Variants in KLHL1 observed in about 807,000 individuals in gnomAD.
KLHL1 encodes kelch like family member 1.
Under a neutral mutation model 77.7 loss-of-function variants are expected in KLHL1, and 47 were observed. That is an observed-to-expected ratio of 0.60 (90% CI 0.48 to 0.77). The LOEUF is 0.77. Ranked by LOEUF, KLHL1 falls within the 30% of genes least tolerant of loss-of-function variation. KLHL1 has a pLI of 0.00. For missense variants in KLHL1, 925 were observed against 910.8 expected (o/e 1.02, Z -0.20); for synonymous variants, 360 against 325.2 (o/e 1.11, Z -1.15).
chr13:69,929,049 C>A (rs1309186635), intron 4 of KLHL1, among the ~76,000 whole-genome samples: 2 of 151,968 alleles, frequency 1.3e-5, no homozygotes, highest in Non-Finnish European at 2.9e-5. Context: ...TACTTAATGA[C>A]AAGACGGCAC....
At chr13:69,877,418 A>G (rs1355600289) in intron 5 of KLHL1, among the ~76,000 whole-genome samples, 1 of 152,062 alleles carries the variant, frequency 6.6e-6, no homozygotes. Flanking sequence ...AAAGAAAAAT[A>G]GCAGAATAAT....
Position 69,837,670 on chromosome 13 carries a change from GTA to G in KLHL1, c.1414+1304_1414+1305del, listed in dbSNP as rs140655235. Among the ~76,000 whole-genome samples the G allele has an allele frequency of 9.9e-4, 122 of 123,692 alleles. 2 individuals are homozygous for G. The highest frequency in any genetic ancestry group is 4.4e-3 in the Middle Eastern group (1 of 228). 81.1% of individuals were successfully genotyped at this position (123,692 alleles called of 152,430 possible). On this transcript the variant is annotated intron_variant, in intron 6 of 10. Coordinates refer to ENST00000377844, the MANE Select transcript of KLHL1 (RefSeq NM_020866.3). ...TGTATATATATATGTGTGTGTGTGT[GTA>G]TATATATATATATATACACATATAT...
intron 4 of KLHL1, among the ~76,000 whole-genome samples, chr13:69,893,855 C>T (rs1881529197): frequency 1.3e-5 from 2 of 152,216 alleles, no homozygotes; most frequent in East Asian, 1.9e-4. Flanking sequence ...ATTTGTTGTG[C>T]GTGAAAGAGC....
rs553953568 is a variant in KLHL1, at chr13:69,755,654, AAAAG to A, written c.1640-15102_1640-15099del. ...TTCATCTCCAAAGTAATTTTAAAAAAAAAGCACTGCAGAAAAAAGTTAATTACGT... is the reference window on the plus strand; with the variant it reads ...TTCATCTCCAAAGTAATTTTAAAAAACACTGCAGAAAAAAGTTAATTACGT... On this transcript the variant is annotated intron_variant, in intron 7 of 10. Coordinates refer to ENST00000377844, the MANE Select transcript of KLHL1 (RefSeq NM_020866.3). Among the ~76,000 whole-genome samples, 1,160 of 152,246 alleles carry A rather than the reference AAAAG, an allele frequency of 7.6e-3. 10 individuals carry two copies. Among genetic ancestry groups the A allele is most frequent in the Non-Finnish European group, 0.013 (851 of 68,002 alleles).
chr13:69,731,676 T>C (rs140269972), intron 8 of KLHL1, among the ~76,000 whole-genome samples: 1 of 152,304 alleles, frequency 6.6e-6, no homozygotes, highest in Non-Finnish European at 1.5e-5. Context: ...AATTGACAAG[T>C]AGCTATTTGC....
In KLHL1 at chr13:69,975,736, G is replaced by A. The variant is rs1164301205; in HGVS notation, c.564C>T (p.Phe188=). The A allele has an allele frequency of 3.2e-5, 51 of 1,613,308 alleles. No individual in the cohort carries two copies. The highest frequency in any genetic ancestry group is 4.3e-5 in the Non-Finnish European group (51 of 1,179,786). ...SDLDSSSSEE[F]YQAVHHAEQT... is the part of the protein sequence containing the mutation. The stretch of plus-strand genomic sequence containing the variant: ...GCTCAGCATGATGAACAGCTTGATA[G>A]AATTCTTCAGAGCTACTGGAGTCCA... The change falls in exon 2 of 11, where the codon TTC becomes TTT. Residue 188 remains phenylalanine, a synonymous_variant. Coordinates refer to ENST00000377844, the MANE Select transcript of KLHL1 (RefSeq NM_020866.3).
chr13:70,071,331 T>C (rs1392476166), intron 1 of KLHL1, among the ~76,000 whole-genome samples: 1 of 152,020 alleles, frequency 6.6e-6, no homozygotes, highest in Non-Finnish European at 1.5e-5. Flanking sequence ...TTTATATATA[T>C]GTACCTAGCA....
intron 4 of KLHL1, among the ~76,000 whole-genome samples, chr13:69,882,894 G>A (rs1881055706): frequency 6.6e-6 from 1 of 152,140 alleles, no homozygotes; most frequent in South Asian, 2.1e-4. Context: ...CACTAAAATT[G>A]CATAGATAAA....
At chr13:70,096,758 T>C (rs1174627838) in intron 1 of KLHL1, among the ~76,000 whole-genome samples, 1 of 151,952 alleles carries the variant, frequency 6.6e-6, no homozygotes. Context: ...TATGACACTA[T>C]TCTGTGATTG....
chr13:69,933,561 G>A (rs1191512176), intron 4 of KLHL1, among the ~76,000 whole-genome samples: 1 of 152,052 alleles, frequency 6.6e-6, no homozygotes, highest in African/African-American at 2.4e-5. Flanking sequence ...TGGCTCTAAA[G>A]GACAAGTGAA....
intron 3 of KLHL1, among the ~76,000 whole-genome samples, chr13:69,946,943 T>A (rs1292974957): frequency 6.6e-6 from 1 of 152,000 alleles, no homozygotes; most frequent in Non-Finnish European, 1.5e-5. Context: ...AAATTGCAAT[T>A]ACTTTTGTAC....
At chr13:69,706,793 C>T (rs1334290204) in intron 10 of KLHL1, among the ~76,000 whole-genome samples, 1 of 151,802 alleles carries the variant, frequency 6.6e-6, no homozygotes, top group Non-Finnish European at 1.5e-5. Context: ...GTATCGATTC[C>T]CTCCATCATA....
At chr13:69,891,191 C>A (rs570370658) in intron 4 of KLHL1, among the ~76,000 whole-genome samples, 1 of 152,154 alleles carries the variant, frequency 6.6e-6, no homozygotes, top group Non-Finnish European at 1.5e-5. Flanking sequence ...GCAAAATTAC[C>A]TAGATACAAC....
chr13:69,851,792 G>T, intron 5 of KLHL1, among the ~76,000 whole-genome samples: 1 of 151,540 alleles, frequency 6.6e-6, no homozygotes, highest in Non-Finnish European at 1.5e-5. Context: ...ATCCTTTCTT[G>T]CAGAACTCAT....
At chr13:70,017,279 G>T (rs544988645) in intron 1 of KLHL1, among the ~76,000 whole-genome samples, 19 of 152,154 alleles carry the variant, frequency 1.2e-4, no homozygotes, top group Non-Finnish European at 2.4e-4. Flanking sequence ...AAATATAGGG[G>T]CTCCCTGAGC....
chr13:69,705,324 G>T (rs1206972995), intron 10 of KLHL1, among the ~76,000 whole-genome samples: 1 of 151,606 alleles, frequency 6.6e-6, no homozygotes, highest in Admixed American at 6.6e-5. Flanking sequence ...TATGGTGTGT[G>T]TATGCATTCT....
At chr13:69,939,213 G>T (rs2138298007) in intron 4 of KLHL1, among the ~76,000 whole-genome samples, 1 of 150,628 alleles carries the variant, frequency 6.6e-6, no homozygotes, top group East Asian at 2.0e-4. Context: ...TTCTATCCTA[G>T]AATGGAATTA....
chr13:69,983,982 T>C (rs1270768111), intron 1 of KLHL1, among the ~76,000 whole-genome samples: 2 of 152,044 alleles, frequency 1.3e-5, no homozygotes, highest in Admixed American at 1.3e-4. Flanking sequence ...AACATCCCGA[T>C]CTCTCACTAC....
intron 3 of KLHL1, among the ~76,000 whole-genome samples, chr13:69,958,238 A>T (rs1883953090): frequency 1.3e-5 from 2 of 150,182 alleles, no homozygotes; most frequent in South Asian, 2.1e-4. Flanking sequence ...ACCAGTTACC[A>T]AATAATAATA....
Sources: allele counts gnomAD v4.1 joint callset (sites outside exome capture counted in the v4.1 genomes callset), GRCh38; gene constraint gnomAD v4.1.1; transcripts MANE v1.5; gene names NCBI Gene and HGNC (gene_info 2026-07-23, HGNC 2026-07-21).